The following CYB5R4 variants were observed in gnomAD, a reference collection of about 807,000 sequenced individuals.
CYB5R4 encodes the protein N-terminal cytochrome b5 and cytochrome b5 oxidoreductase domain-containing protein.
In CYB5R4, 55 loss-of-function variants were observed where a neutral mutation model predicts 70.2. That is an observed-to-expected ratio of 0.78 (90% CI 0.63 to 0.98). CYB5R4 has a LOEUF of 0.98. Ranked by LOEUF, CYB5R4 falls within the 50% of genes least tolerant of loss-of-function variation. CYB5R4 has a pLI of 0.00. For synonymous variants in CYB5R4, 197 were observed against 199.5 expected, an observed-to-expected ratio of 0.99 and a Z score of 0.11; for missense variants, 562 against 612.6, an observed-to-expected ratio of 0.92 and a Z score of 0.87.
chr6:83,940,368 G>A, intron 13 of CYB5R4, 147 bp from the exon 14 acceptor site: 2 of 1,032,302 alleles, frequency 1.9e-6, no homozygotes, highest in Non-Finnish European at 2.7e-6. Flanking sequence ...TATTAACTAG[G>A]TTCTTTTATC....
At chr6:83,899,161 G>A (rs1191684800) in intron 3 of CYB5R4, among the ~76,000 whole-genome samples, 1 of 152,142 alleles carries the variant, frequency 6.6e-6, no homozygotes, top group Non-Finnish European at 1.5e-5. Context: ...TTTATTGAGA[G>A]TTTTTAGCAT....
chr6:83,898,905 T>C (rs1311191527), intron 3 of CYB5R4, among the ~76,000 whole-genome samples: 1 of 152,240 alleles, frequency 6.6e-6, no homozygotes, highest in Non-Finnish European at 1.5e-5. Context: ...TCATGTCATC[T>C]GCAAACAGGG....
rs2099469521 is a variant in CYB5R4, at chr6:83,940,067, T to C, written c.1120T>C (p.Ser374Pro). Residue 374 changes from serine (S) to proline (P), a missense_variant, in exon 13 of 16, where the codon TCT becomes CCT. Physicochemically the swap from Ser to Pro is moderately conservative, Grantham distance 74. Coordinates refer to ENST00000369681, the MANE Select transcript of CYB5R4 (RefSeq NM_016230.4). ...LDRLQIGDFVSVSSPEGNFKI... is the reference protein window; with the variant it reads ...LDRLQIGDFVPVSSPEGNFKI... ...GTTTCATTGTTTAGGAGATTTTGTT[T>C]CTGTAAGCAGTCCTGAGGGCAATTT... The C allele has an allele frequency of 6.3e-7, 1 of 1,588,324 alleles. No homozygotes were observed. Among genetic ancestry groups the C allele is most frequent in the Non-Finnish European group, 8.6e-7 (1 of 1,169,228 alleles).
chr6:83,908,981 C>T (rs749998542), intron 3 of CYB5R4, 28 bp from the exon 4 acceptor site: 3 of 1,598,640 alleles, frequency 1.9e-6, no homozygotes, highest in East Asian at 2.2e-5. Flanking sequence ...AGTCATGTTG[C>T]TTTTCCATCA....
At chr6:83,925,377 A>G (rs567831126) in intron 10 of CYB5R4, among the ~76,000 whole-genome samples, 98 of 152,244 alleles carry the variant, frequency 6.4e-4, no homozygotes, top group Non-Finnish European at 1.0e-3. Context: ...TACCTCCAAC[A>G]CTGGGGATTA....
chr6:83,904,110 G>A (rs2129136714), intron 3 of CYB5R4, among the ~76,000 whole-genome samples: 1 of 151,880 alleles, frequency 6.6e-6, no homozygotes, highest in Non-Finnish European at 1.5e-5. Context: ...TGCTTTTCTA[G>A]TTCCTTGAGG....
In CYB5R4 at chr6:83,943,683, A is replaced by C. The variant is rs138009327; in HGVS notation, c.1346+3082A>C. On this transcript the variant is annotated intron_variant, in intron 14 of 15. Coordinates refer to ENST00000369681, the MANE Select transcript of CYB5R4 (RefSeq NM_016230.4). ...ACAAATTCCTGAAGGAGCATGTTCTAACCCAGTGCAAGGAAGCTAAGAACC... is the reference window on the plus strand; with the variant it reads ...ACAAATTCCTGAAGGAGCATGTTCTCACCCAGTGCAAGGAAGCTAAGAACC... Among the ~76,000 whole-genome samples, 250 of 152,204 alleles carry C rather than the reference A, an allele frequency of 1.6e-3. 1 individual carries two copies. The highest frequency in any genetic ancestry group is 0.014 in the Middle Eastern group (4 of 294).
chr6:83,947,500 T>G (rs960814757), intron 14 of CYB5R4, among the ~76,000 whole-genome samples: 4 of 152,098 alleles, frequency 2.6e-5, no homozygotes, highest in Admixed American at 1.3e-4. Context: ...GGCAAAGACT[T>G]CATGACTAAA....
At chr6:83,891,666 T>C (rs1027151248) in intron 2 of CYB5R4, among the ~76,000 whole-genome samples, 1 of 152,168 alleles carries the variant, frequency 6.6e-6, no homozygotes, top group Admixed American at 6.6e-5. Flanking sequence ...GGGATAGACA[T>C]TCCTAGTTTT....
chr6:83,908,938 G>A, intron 3 of CYB5R4, 71 bp from the exon 4 acceptor site: 5 of 1,289,906 alleles, frequency 3.9e-6, no homozygotes, highest in Non-Finnish European at 5.6e-6. Flanking sequence ...GTTTAGTTTT[G>A]CTCGTACTAA....
intron 14 of CYB5R4, among the ~76,000 whole-genome samples, chr6:83,947,804 A>G (rs896456855): frequency 5.9e-5 from 9 of 152,156 alleles, no homozygotes; most frequent in Non-Finnish European, 1.3e-4. Context: ...GAGAAATGCA[A>G]GTCAAAACCA....
intron 2 of CYB5R4, among the ~76,000 whole-genome samples, chr6:83,884,809 T>C (rs951024585): frequency 2.6e-5 from 4 of 152,214 alleles, no homozygotes; most frequent in Non-Finnish European, 5.9e-5. Flanking sequence ...TATACTGGCA[T>C]AATATTTGGT....
At chr6:83,906,421 A>G (rs1443552960) in intron 3 of CYB5R4, among the ~76,000 whole-genome samples, 1 of 152,164 alleles carries the variant, frequency 6.6e-6, no homozygotes, top group African/African-American at 2.4e-5. Flanking sequence ...TGTGAGACCC[A>G]GTGCAAGCAC....
In CYB5R4 at chr6:83,922,478, A is replaced by G. The variant is rs201441773; in HGVS notation, c.691+8A>G. ...TTCAGGAAGATTTTTCTGGTAAGCT[A>G]CCAAAAACCAAAAATTATGTATGTA... On this transcript the variant is annotated splice_region_variant and intron_variant, in intron 9 of 15. Coordinates refer to ENST00000369681, the MANE Select transcript of CYB5R4 (RefSeq NM_016230.4). 1.2e-6 allele frequency: 2 copies of G among 1,609,720 alleles called. No individual in the cohort carries two copies. Among genetic ancestry groups the G allele is most frequent in the East Asian group, 4.5e-5 (2 of 44,780 alleles).
intron 9 of CYB5R4, among the ~76,000 whole-genome samples, chr6:83,924,175 A>G (rs1178569951): frequency 6.8e-6 from 1 of 147,562 alleles, no homozygotes; most frequent in Non-Finnish European, 1.5e-5. Context: ...CTTTATGTCA[A>G]TTAGTTGCCA....
At chr6:83,938,330 G>A (rs1171989408) in intron 12 of CYB5R4, among the ~76,000 whole-genome samples, 1 of 152,174 alleles carries the variant, frequency 6.6e-6, no homozygotes, top group Non-Finnish European at 1.5e-5. Context: ...AGCATGGAAA[G>A]GGAAAGCTCA....
chr6:83,943,842 C>T lies in CYB5R4; in HGVS notation c.1346+3241C>T, dbSNP rs537707963. ...AGTATCCATAGCCAAATCGATCAAG[C>T]GGAAGAAAGGATATCAGAGATTGAA... On this transcript the variant is annotated intron_variant, in intron 14 of 15. Transcript: ENST00000369681. Among the ~76,000 whole-genome samples the T allele has an allele frequency of 3.7e-4, 56 of 151,278 alleles. No individual in the cohort carries two copies. The South Asian group carries it at 4.8e-3, about 13-fold the overall frequency.
intron 10 of CYB5R4, among the ~76,000 whole-genome samples, chr6:83,927,834 G>A (rs1013197998): frequency 1.2e-4 from 19 of 152,128 alleles, no homozygotes; most frequent in African/African-American, 4.3e-4. Flanking sequence ...GGTCTAGGAA[G>A]GGGCCTGCTG....
At chr6:83,896,546 C>T (rs2099461935) in intron 3 of CYB5R4, among the ~76,000 whole-genome samples, 1 of 152,164 alleles carries the variant, frequency 6.6e-6, no homozygotes, top group Non-Finnish European at 1.5e-5. Flanking sequence ...GTGTATTTCA[C>T]TTGATGTAAT....
Sources: allele counts gnomAD v4.1 joint callset (sites outside exome capture counted in the v4.1 genomes callset), GRCh38; gene constraint gnomAD v4.1.1; transcripts MANE v1.5; gene names NCBI Gene and HGNC (gene_info 2026-07-23, HGNC 2026-07-21).